The following FHOD3 variants were observed in gnomAD, a reference collection of about 807,000 sequenced individuals.
The protein encoded by FHOD3 is FH1/FH2 domain-containing protein 3.
Under a neutral mutation model 173.0 loss-of-function variants are expected in FHOD3, and 90 were observed. That is an observed-to-expected ratio of 0.52 (90% CI 0.44 to 0.62). FHOD3 has a LOEUF of 0.62. FHOD3 is among the 20% of genes least tolerant of loss of function. The pLI, the probability that FHOD3 is intolerant of heterozygous loss-of-function variation, is 0.00. For missense variants in FHOD3, 1,945 were observed against 2,034.7 expected (o/e 0.96, Z 0.85); for synonymous variants, 828 against 823.0 (o/e 1.01, Z -0.10).
intron 1 of FHOD3, among the ~76,000 whole-genome samples, chr18:36,299,862 T>G (rs184542233): frequency 5.2e-4 from 79 of 152,346 alleles, no homozygotes; most frequent in African/African-American, 1.8e-3. Flanking sequence ...TATATTTAGA[T>G]GTCTGGCATT....
chr18:36,672,181 T>C (rs146342218), intron 14 of FHOD3, among the ~76,000 whole-genome samples: 124 of 152,336 alleles, frequency 8.1e-4, no homozygotes, highest in African/African-American at 2.5e-3. Context: ...TCAGATTTTA[T>C]TGGAGTCCGC....
intron 14 of FHOD3, among the ~76,000 whole-genome samples, chr18:36,665,268 T>C (rs774281424): frequency 6.6e-6 from 1 of 152,232 alleles, no homozygotes; most frequent in Non-Finnish European, 1.5e-5. Flanking sequence ...AAGTCTTACA[T>C]ACTCATATAT....
intron 14 of FHOD3, among the ~76,000 whole-genome samples, chr18:36,663,897 G>A (rs1286862780): frequency 2.6e-5 from 4 of 152,288 alleles, no homozygotes; most frequent in East Asian, 3.9e-4. Flanking sequence ...CCACATGCTT[G>A]TGTCTTCCCA....
intron 1 of FHOD3, among the ~76,000 whole-genome samples, chr18:36,341,699 T>C (rs964143472): frequency 1.4e-4 from 22 of 152,268 alleles, no homozygotes; most frequent in Admixed American, 1.2e-3. Context: ...ACCACACACA[T>C]AATAGGCCAT....
intron 15 of FHOD3, among the ~76,000 whole-genome samples, chr18:36,683,098 A>C (rs898644215): frequency 6.6e-6 from 1 of 152,178 alleles, no homozygotes; most frequent in African/African-American, 2.4e-5. Flanking sequence ...GCATACCCTC[A>C]GCTGTCACAT....
At chr18:36,531,728 A>G (rs565440965) in intron 5 of FHOD3, among the ~76,000 whole-genome samples, 9 of 152,354 alleles carry the variant, frequency 5.9e-5, no homozygotes, top group African/African-American at 2.2e-4. Flanking sequence ...AACTGTCTCC[A>G]AAGTGGAACT....
intron 14 of FHOD3, among the ~76,000 whole-genome samples, chr18:36,677,629 A>T (rs1193322796): frequency 1.3e-5 from 2 of 152,162 alleles, no homozygotes; most frequent in African/African-American, 4.8e-5. Flanking sequence ...CACCAAGACC[A>T]CTTTGACGGG....
At chr18:36,570,051 A>G (rs947270345) in intron 5 of FHOD3, among the ~76,000 whole-genome samples, 1 of 152,080 alleles carries the variant, frequency 6.6e-6, no homozygotes, top group Non-Finnish European at 1.5e-5. Context: ...AAAATAATAA[A>G]AGTAGAAATT....
chr18:36,718,335 C>T lies in FHOD3; in HGVS notation c.3037C>T (p.Leu1013=), dbSNP rs1470029565. The change falls in exon 19 of 29, where the codon CTG becomes TTG. Residue 1013 remains leucine, a synonymous_variant. Coordinates refer to ENST00000590592, the MANE Select transcript of FHOD3 (RefSeq NM_001281740.3). ...TGACATTGATGTCCTAGATGTGGAC[C>T]TGGGTCACAGGGAGGCCCCTGGGCC... ...EDDIDVLDVD[L]GHREAPGPPP... 1.9e-6 allele frequency: 3 copies of T among 1,613,758 alleles called. No homozygotes were observed.
chr18:36,326,044 T>C (rs1477546690), intron 1 of FHOD3, among the ~76,000 whole-genome samples: 6 of 152,208 alleles, frequency 3.9e-5, no homozygotes, highest in Non-Finnish European at 4.4e-5. Context: ...TCTGCAGTGG[T>C]ATTGGCTGGG....
intron 8 of FHOD3, among the ~76,000 whole-genome samples, chr18:36,609,792 G>C (rs566792018): frequency 1.8e-4 from 27 of 152,110 alleles, no homozygotes; most frequent in African/African-American, 6.5e-4. Context: ...TGTATTTTTA[G>C]TAGAGACTGG....
intron 3 of FHOD3, among the ~76,000 whole-genome samples, chr18:36,492,636 T>C (rs2054529104): frequency 6.6e-6 from 1 of 152,212 alleles, no homozygotes. Context: ...AATGTGATTA[T>C]AATCCAAGGG....
rs75930115 is a variant in FHOD3 at position 36,341,025 on chromosome 18, T to C, written c.166-14514T>C. Among the ~76,000 whole-genome samples the C allele has an allele frequency of 6.6e-3, 1,006 of 152,306 alleles. 10 individuals carry two copies. Among genetic ancestry groups the C allele is most frequent in the African/African-American group, 0.023 (956 of 41,568 alleles). On this transcript the variant is annotated intron_variant, in intron 1 of 28. Transcript: ENST00000590592. ...CTTTCTTCCTCTTCCTTGTATTCTC[T>C]TGCGCAGCAGCTAAGAACAATGTCT... is the stretch of plus-strand genomic sequence containing the variant.
Position 36,604,060 on chromosome 18 carries a change from G to T in FHOD3, c.813+1292G>T, listed in dbSNP as rs117797028. Among the ~76,000 whole-genome samples, 294 of 152,248 alleles carry T rather than the reference G, an allele frequency of 1.9e-3. 1 individual carries two copies. The highest frequency in any genetic ancestry group is 3.2e-3 in the Non-Finnish European group (215 of 68,024). ...ACCTTGTAGGGCAGTCTTGGTCCTT[G>T]GTGCTCTTCCTCAGAGGTGCTGCTC... On this transcript the variant is annotated intron_variant, in intron 8 of 28. Coordinates refer to ENST00000590592, the MANE Select transcript of FHOD3 (RefSeq NM_001281740.3).
intron 3 of FHOD3, among the ~76,000 whole-genome samples, chr18:36,492,498 C>A (rs952033528): frequency 6.6e-6 from 1 of 152,180 alleles, no homozygotes; most frequent in Non-Finnish European, 1.5e-5. Flanking sequence ...ACGTTTGTTA[C>A]AACTGATAAA....
At chr18:36,752,966 A>G (rs959584153) in intron 24 of FHOD3, among the ~76,000 whole-genome samples, 1 of 152,186 alleles carries the variant, frequency 6.6e-6, no homozygotes, top group African/African-American at 2.4e-5. Context: ...TATCTAATAT[A>G]TAATGTCAAG....
intron 3 of FHOD3, among the ~76,000 whole-genome samples, chr18:36,467,029 C>A (rs1032171526): frequency 6.6e-6 from 1 of 152,138 alleles, no homozygotes; most frequent in Non-Finnish European, 1.5e-5. Flanking sequence ...AAGAGGGGAT[C>A]CCTGCCCCAT....
intron 3 of FHOD3, among the ~76,000 whole-genome samples, chr18:36,498,389 G>A (rs1599389219): frequency 2.0e-5 from 3 of 152,182 alleles, no homozygotes; most frequent in African/African-American, 7.2e-5. Context: ...GAAATCAATA[G>A]CTGATTCTTG....
At chr18:36,340,981 G>A (rs988936379) in intron 1 of FHOD3, among the ~76,000 whole-genome samples, 14 of 152,096 alleles carry the variant, frequency 9.2e-5, no homozygotes, top group African/African-American at 3.4e-4. Flanking sequence ...GTTTGCTGAG[G>A]ACTTAGTCCT....
Sources: gnomAD v4.1 joint callset for allele counts (sites outside exome capture counted in the v4.1 genomes callset) on GRCh38, gnomAD v4.1.1 for gene constraint, MANE v1.5 for transcripts, NCBI Gene and HGNC (gene_info 2026-07-23, HGNC 2026-07-21) for gene names.